The following AFF2 variants were observed in gnomAD, a reference collection of about 807,000 sequenced individuals.
AFF2 encodes ALF transcription elongation factor 2, also known as AF4/FMR2 family member 2.
A neutral mutation model predicts 76.9 loss-of-function variants in AFF2; 14 were observed. That is an observed-to-expected ratio of 0.18 (90% CI 0.12 to 0.28). AFF2 has a LOEUF of 0.28. Ranked by LOEUF, AFF2 falls within the 10% of genes least tolerant of loss-of-function variation. The pLI, the probability that AFF2 is intolerant of heterozygous loss-of-function variation, is 1.00. For missense variants in AFF2, 868 were observed against 1,001.1 expected, an observed-to-expected ratio of 0.87 and a Z score of 1.79; for synonymous variants, 398 against 366.7, an observed-to-expected ratio of 1.09 and a Z score of -0.98.
intron 9 of AFF2, among the ~76,000 whole-genome samples, chrX:148,944,166 C>T (rs1054111611): frequency 4.5e-5 from 5 of 112,217 alleles, no homozygotes; most frequent in African/African-American, 9.7e-5. Context: ...GAATTCAGCC[C>T]GCCATCTGCC....
intron 16 of AFF2, among the ~76,000 whole-genome samples, chrX:148,974,338 A>G (rs2072295422): frequency 9.0e-6 from 1 of 111,297 alleles, no homozygotes; most frequent in Admixed American, 9.5e-5. Flanking sequence ...TTTGTACAAT[A>G]ATTTAATCCA....
chrX:148,969,850 G>C (rs1557289311), intron 15 of AFF2, among the ~76,000 whole-genome samples: 1 of 110,566 alleles, frequency 9.0e-6, no homozygotes, highest in East Asian at 2.8e-4. Context: ...AGCCTGGGAA[G>C]CACCCTTATA....
intron 3 of AFF2, among the ~76,000 whole-genome samples, chrX:148,789,269 A>G (rs782438661): frequency 3.6e-5 from 4 of 112,019 alleles, no homozygotes; most frequent in Non-Finnish European, 7.5e-5. Context: ...AAATTATGAG[A>G]ATTTGATGCA....
At chrX:148,662,871 G>C in intron 3 of AFF2, 103 bp downstream of exon 3, 1 of 892,556 alleles carries the variant, frequency 1.1e-6, no homozygotes, top group Admixed American at 3.4e-5. Flanking sequence ...ACCTTAATGA[G>C]CTGTATAGGA....
At chrX:148,796,316 T>C (rs1557270445) in intron 3 of AFF2, among the ~76,000 whole-genome samples, 1 of 110,982 alleles carries the variant, frequency 9.0e-6, no homozygotes, top group Non-Finnish European at 1.9e-5. Flanking sequence ...TGTCTCTTCC[T>C]GTCTGTTTCT....
At chrX:148,695,658 A>G (rs782748908) in intron 3 of AFF2, among the ~76,000 whole-genome samples, 1 of 112,840 alleles carries the variant, frequency 8.9e-6, no homozygotes, top group East Asian at 2.8e-4. Flanking sequence ...CTGTTAACTA[A>G]CATTTTGAAT....
chrX:148,980,538 G>C (rs1415556620), intron 18 of AFF2, among the ~76,000 whole-genome samples, 200 bp from the exon 19 acceptor site: 1 of 111,430 alleles, frequency 9.0e-6, no homozygotes, highest in Non-Finnish European at 1.9e-5. Context: ...GTCCTGATTG[G>C]AGCCCACTAA....
intron 3 of AFF2, among the ~76,000 whole-genome samples, chrX:148,758,441 G>A (rs1372134912): frequency 8.9e-6 from 1 of 111,812 alleles, no homozygotes; most frequent in Non-Finnish European, 1.9e-5. Context: ...TGGAACATTG[G>A]GAAACTGCAG....
chrX:148,655,554 C>T (rs782671019), intron 2 of AFF2, among the ~76,000 whole-genome samples: 3 of 111,879 alleles, frequency 2.7e-5, no homozygotes, highest in Non-Finnish European at 5.6e-5. Context: ...GGATTACAGG[C>T]GTGAGCCACT....
At chrX:148,773,806 C>T (rs2069634472) in intron 3 of AFF2, among the ~76,000 whole-genome samples, 1 of 111,068 alleles carries the variant, frequency 9.0e-6, no homozygotes, top group Non-Finnish European at 1.9e-5. Flanking sequence ...GTAGAATTAG[C>T]TCTCATTTCA....
At position 148,991,359 on chromosome X, in the gene AFF2, C is replaced by G; in HGVS notation, c.*27C>G. On this transcript the variant is annotated 3_prime_UTR_variant, in exon 21 of 21. Transcript: ENST00000370460. The stretch of plus-strand genomic sequence containing the variant: ...GGGTGTTCTCAGATCTCTAGCATCA[C>G]GACCCATCACTCTACCTCTACCAGC... 2 of 1,175,721 alleles carry G rather than the reference C, an allele frequency of 1.7e-6. No individual in the cohort carries two copies. Among genetic ancestry groups the G allele is most frequent in the Non-Finnish European group, 1.1e-6 (1 of 873,744 alleles).
At chrX:148,828,076 C>T (rs1294582619) in intron 4 of AFF2, among the ~76,000 whole-genome samples, 7 of 110,775 alleles carry the variant, frequency 6.3e-5, no homozygotes. Flanking sequence ...CGCGAATTAT[C>T]TCAAATCAGT....
chrX:148,522,495 A>G (rs1926462556), intron 1 of AFF2, among the ~76,000 whole-genome samples: 1 of 112,593 alleles, frequency 8.9e-6, no homozygotes, highest in African/African-American at 3.2e-5. Context: ...CTTTGCGGGA[A>G]AACTTCAGTC....
At chrX:148,556,639 G>A (rs1361830581) in intron 1 of AFF2, among the ~76,000 whole-genome samples, 1 of 112,442 alleles carries the variant, frequency 8.9e-6, no homozygotes, top group Non-Finnish European at 1.9e-5. Context: ...AAATGGTCAT[G>A]ATGCTTAGAT....
At chrX:148,971,949 G>A (rs2072266896) in intron 15 of AFF2, among the ~76,000 whole-genome samples, 1 of 23,912 alleles carries the variant, frequency 4.2e-5, no homozygotes, top group African/African-American at 2.0e-4. Context: ...ACAGTCCCCA[G>A]AGTGTGATAT....
intron 13 of AFF2, among the ~76,000 whole-genome samples, chrX:148,963,774 G>C (rs782078655): frequency 8.9e-6 from 1 of 112,375 alleles, no homozygotes; most frequent in African/African-American, 3.2e-5. Context: ...AGAGACAAAT[G>C]ACACTGTCTT....
At chrX:148,516,744 C>G (rs1236275171) in intron 1 of AFF2, among the ~76,000 whole-genome samples, 1 of 111,608 alleles carries the variant, frequency 9.0e-6, no homozygotes, top group African/African-American at 3.3e-5. Flanking sequence ...TGAACCCTGG[C>G]ACTGTAACAC....
At chrX:148,982,592 AC>A (rs1557290993) in intron 19 of AFF2, among the ~76,000 whole-genome samples, 1 of 111,967 alleles carries the variant, frequency 8.9e-6, no homozygotes, top group East Asian at 2.8e-4. Context: ...CAGGAGCAGC[AC>A]CCTCTGACTT....
Position 148,956,414 on chromosome X carries a change from C to T in AFF2, c.2369C>T (p.Ser790Phe). Residue 790 changes from serine to phenylalanine, a missense_variant, in exon 11 of 21, where the codon TCC (serine) becomes TTC (phenylalanine). Transcript: ENST00000370460. ...PIPVMQTEIL[S>F]PLRDHENLKN... ...CCTGTCATGCAAACTGAAATCCTGT[C>T]CCCTCTGCGAGATCATGAGAACCTG... 3 of 1,211,222 alleles carry T rather than the reference C, an allele frequency of 2.5e-6. No individual in the cohort carries two copies. The highest frequency in any genetic ancestry group is 3.4e-6 in the Non-Finnish European group (3 of 895,111).
Sources: gnomAD v4.1 joint callset for allele counts (sites outside exome capture counted in the v4.1 genomes callset) on GRCh38, gnomAD v4.1.1 for gene constraint, MANE v1.5 for transcripts, NCBI Gene and HGNC (gene_info 2026-07-23, HGNC 2026-07-21) for gene names.